ZNF423: variants seen among roughly 807,000 people sequenced by gnomAD.
ZNF423 encodes Ebf-associated zinc finger protein.
A neutral mutation model predicts 95.8 loss-of-function variants in ZNF423; 12 were observed. The observed-to-expected ratio is 0.13, with a 90% CI of 0.08 to 0.20. ZNF423 has a LOEUF of 0.20. Ranked by LOEUF, ZNF423 falls within the 10% of genes least tolerant of loss-of-function variation. The pLI, the probability that ZNF423 is intolerant of heterozygous loss-of-function variation, is 1.00. For synonymous variants in ZNF423, 749 were observed against 711.9 expected (o/e 1.05, Z -0.83); for missense variants, 1,316 against 1,737.1 (o/e 0.76, Z 4.31).
At chr16:49,780,988 G>A (rs112488345) in intron 2 of ZNF423, among the ~76,000 whole-genome samples, 3,497 of 152,298 alleles carry the variant, frequency 0.023, 127 homozygotes, top group African/African-American at 0.08. Flanking sequence ...GCCAAAGGGC[G>A]CCCAGGCAGC....
chr16:49,596,655 C>T (rs1428917024), intron 5 of ZNF423, among the ~76,000 whole-genome samples: 1 of 152,232 alleles, frequency 6.6e-6, no homozygotes, highest in Non-Finnish European at 1.5e-5. Context: ...AATGCACTCA[C>T]TTTAATATTA....
chr16:49,789,592 A>G (rs2034378191), intron 1 of ZNF423, 46 bp from the exon 2 acceptor site: 1 of 1,590,422 alleles, frequency 6.3e-7, no homozygotes. Context: ...AAGGCTGTAC[A>G]AATAGATCAG....
rs2031487833 is a variant in ZNF423 at position 49,684,507 on chromosome 16, A to G, written c.302-45633T>C. Among the ~76,000 whole-genome samples the G allele has an allele frequency of 2.6e-5, 4 of 152,334 alleles. No individual in the cohort carries two copies. In the South Asian group the frequency reaches 8.3e-4, roughly 32 times the overall value. ...TGGGTGCCTGATGTTCCCATTTTAC[A>G]GATGAAGAAACCTCCCCATGGTCTG... On this transcript the variant is annotated intron_variant, in intron 3 of 7. Coordinates refer to ENST00000563137, the MANE Select transcript of ZNF423 (RefSeq NM_001379286.1).
At chr16:49,574,820 G>A (rs930781018) in intron 5 of ZNF423, among the ~76,000 whole-genome samples, 2 of 152,212 alleles carry the variant, frequency 1.3e-5, no homozygotes, top group Admixed American at 6.5e-5. Context: ...TGCCCCTGCT[G>A]CCCTCAGAAC....
chr16:49,530,943 C>A (rs773052530), intron 5 of ZNF423, among the ~76,000 whole-genome samples: 1 of 152,208 alleles, frequency 6.6e-6, no homozygotes, highest in South Asian at 2.1e-4. Flanking sequence ...CAGCAAGCCA[C>A]CCCTGCTCCC....
intron 1 of ZNF423, chr16:49,822,750 A>G: frequency 3.1e-6 from 5 of 1,597,170 alleles, no homozygotes; most frequent in Non-Finnish European, 4.3e-6. Context: ...TGGGGGAATA[A>G]ATACAAAATT....
intron 5 of ZNF423, among the ~76,000 whole-genome samples, chr16:49,560,707 G>T (rs2151767799): frequency 6.6e-6 from 1 of 152,260 alleles, no homozygotes; most frequent in South Asian, 2.1e-4. Flanking sequence ...TCCAACTGCT[G>T]AAATTCCCCA....
chr16:49,783,767 C>G (rs995708871), intron 2 of ZNF423, among the ~76,000 whole-genome samples: 1 of 151,808 alleles, frequency 6.6e-6, no homozygotes, highest in Non-Finnish European at 1.5e-5. Flanking sequence ...GTCAGGAGAT[C>G]GAGATCATCC....
chr16:49,596,995 G>T (rs901323407), intron 5 of ZNF423, among the ~76,000 whole-genome samples: 4 of 152,206 alleles, frequency 2.6e-5, no homozygotes, highest in African/African-American at 9.7e-5. Flanking sequence ...TGTTGGGTCG[G>T]CTTGGGCTTC....
chr16:49,617,244 A>G (rs1264269724), intron 5 of ZNF423, among the ~76,000 whole-genome samples: 1 of 152,136 alleles, frequency 6.6e-6, no homozygotes, highest in Non-Finnish European at 1.5e-5. Flanking sequence ...GCTGGGCCCC[A>G]AGGATCCAAG....
intron 3 of ZNF423, among the ~76,000 whole-genome samples, chr16:49,700,215 A>AAAAAAAG (rs1555473664): frequency 5.1e-5 from 7 of 136,104 alleles, no homozygotes; most frequent in African/African-American, 2.0e-4. Context: ...AAAAAAAAAA[A>AAAAAAAG]AACAAGAAGA....
chr16:49,627,775 C>G (rs1393652552), intron 4 of ZNF423, among the ~76,000 whole-genome samples: 1 of 150,552 alleles, frequency 6.6e-6, no homozygotes, highest in African/African-American at 2.5e-5. Flanking sequence ...CCCACCCATC[C>G]ACCCATCTAC....
chr16:49,554,033 T>C (rs1046163936), intron 5 of ZNF423, among the ~76,000 whole-genome samples: 3 of 152,176 alleles, frequency 2.0e-5, no homozygotes, highest in Admixed American at 1.3e-4. Flanking sequence ...GCCCATTCCT[T>C]TGCTGGGCTT....
intron 5 of ZNF423, among the ~76,000 whole-genome samples, chr16:49,542,432 C>T (rs1274274114): frequency 6.6e-6 from 1 of 152,154 alleles, no homozygotes; most frequent in East Asian, 1.9e-4. Context: ...GTGAATGCAC[C>T]TGCTGGGCTG....
chr16:49,855,470 G>A lies in ZNF423; in HGVS notation c.40+265C>T, dbSNP rs1214543825. On this transcript the variant is annotated intron_variant, in intron 1 of 7. Coordinates refer to ENST00000563137, the MANE Select transcript of ZNF423 (RefSeq NM_001379286.1). This position sits in a 1 kb window ranked among gnomAD's most constrained non-coding sequence, Gnocchi z 4.7. ...AGGCCTGGGTCCCCCAAGGGCGACG[G>A]CGCCGAGTCCGGGCAGGGAGGGTGT... Among the ~76,000 whole-genome samples the A allele has an allele frequency of 2.0e-5, 3 of 151,186 alleles. No homozygotes were observed. The highest frequency in any genetic ancestry group is 4.4e-5 in the Non-Finnish European group (3 of 67,710).
At chr16:49,810,795 C>T (rs2034738350) in intron 1 of ZNF423, among the ~76,000 whole-genome samples, 1 of 152,198 alleles carries the variant, frequency 6.6e-6, no homozygotes, top group African/African-American at 2.4e-5. Flanking sequence ...GTCGGCCCTA[C>T]CGGACACTTT....
rs369831068 is a variant in ZNF423, at chr16:49,700,429, C to T, written c.301+30342G>A. ...CCCCTCCTGAGGTCTGCTCATGGCC[C>T]ACAGCCCCACCCATCATGACACCCC... On this transcript the variant is annotated intron_variant, in intron 3 of 7. Coordinates refer to ENST00000563137, the MANE Select transcript of ZNF423 (RefSeq NM_001379286.1). Among the ~76,000 whole-genome samples, 7 of 152,284 alleles carry T rather than the reference C, an allele frequency of 4.6e-5. No homozygotes were observed. In the South Asian group the frequency reaches 1.2e-3, roughly 27 times the overall value.
At chr16:49,496,723 T>A (rs1249731586) in intron 7 of ZNF423, among the ~76,000 whole-genome samples, 1 of 152,172 alleles carries the variant, frequency 6.6e-6, no homozygotes, top group Non-Finnish European at 1.5e-5. Context: ...CGGCAAATGC[T>A]CCACAGATCT....
intron 5 of ZNF423, among the ~76,000 whole-genome samples, chr16:49,587,842 G>A (rs922456017): frequency 7.9e-5 from 12 of 152,028 alleles, no homozygotes; most frequent in African/African-American, 2.9e-4. Context: ...TGTTTCTTCT[G>A]GTGAACTCTT....
Sources: gnomAD v4.1 joint callset for allele counts (sites outside exome capture counted in the v4.1 genomes callset) on GRCh38, gnomAD v4.1.1 for gene constraint, Gnocchi (gnomAD v3.1) non-coding constraint, MANE v1.5 for transcripts, NCBI Gene and HGNC (gene_info 2026-07-23, HGNC 2026-07-21) for gene names.